SGCZ: variants seen among roughly 807,000 people sequenced by gnomAD.
The protein encoded by SGCZ is sarcoglycan zeta.
Under a neutral mutation model 41.3 loss-of-function variants are expected in SGCZ, and 40 were observed. The ratio of observed to expected loss-of-function variants is 0.97; its 90% confidence interval spans 0.75 to 1.26. The LOEUF (loss-of-function observed/expected upper bound fraction) is 1.26. Ranked by LOEUF, SGCZ falls within the 50% of genes most tolerant of loss-of-function variation. The pLI, the probability that SGCZ is intolerant of heterozygous loss-of-function variation, is 0.00. For synonymous variants in SGCZ, 206 were observed against 137.5 expected (o/e 1.50, Z -3.49); for missense variants, 552 against 369.8 (o/e 1.49, Z -4.04).
At chr8:14,233,341 A>C (rs991258931) in intron 4 of SGCZ, among the ~76,000 whole-genome samples, 7 of 151,860 alleles carry the variant, frequency 4.6e-5, no homozygotes, top group African/African-American at 1.4e-4. Flanking sequence ...AGGAGAAATT[A>C]TTTTACTGAA....
At chr8:14,738,175 C>CA (rs1008021182) in intron 1 of SGCZ, among the ~76,000 whole-genome samples, 7 of 152,126 alleles carry the variant, frequency 4.6e-5, no homozygotes, top group Middle Eastern at 3.4e-3. Flanking sequence ...CTTTATATTA[C>CA]AAAAAATCTC....
chr8:15,065,225 T>G (rs973646686), intron 1 of SGCZ, among the ~76,000 whole-genome samples: 1 of 152,064 alleles, frequency 6.6e-6, no homozygotes, highest in African/African-American at 2.4e-5. Flanking sequence ...AACTCCATTT[T>G]CTCACCCCTT....
chr8:14,930,912 T>G (rs1329430438), intron 1 of SGCZ, among the ~76,000 whole-genome samples: 2 of 151,882 alleles, frequency 1.3e-5, no homozygotes, highest in Non-Finnish European at 2.9e-5. Flanking sequence ...AATACCTACT[T>G]TAGATGACAG....
intron 1 of SGCZ, among the ~76,000 whole-genome samples, chr8:15,219,197 T>G (rs768746653): frequency 6.6e-6 from 1 of 152,182 alleles, no homozygotes; most frequent in Non-Finnish European, 1.5e-5. Context: ...TTTCAGAGTT[T>G]AACATTCCTT....
At chr8:14,925,160 G>C (rs1799708979) in intron 1 of SGCZ, among the ~76,000 whole-genome samples, 1 of 152,094 alleles carries the variant, frequency 6.6e-6, no homozygotes, top group South Asian at 2.1e-4. Context: ...GCCCAGCCAA[G>C]ACATTTTCTT....
At chr8:14,239,859 A>G (rs538605992) in intron 3 of SGCZ, among the ~76,000 whole-genome samples, 198 of 125,236 alleles carry the variant, frequency 1.6e-3, no homozygotes, top group African/African-American at 5.9e-3. Flanking sequence ...CCGAGATCCC[A>G]CCACTGCACT....
intron 1 of SGCZ, among the ~76,000 whole-genome samples, chr8:14,930,834 G>A (rs1799904046): frequency 2.0e-5 from 3 of 151,864 alleles, no homozygotes; most frequent in Admixed American, 1.3e-4. Context: ...TGTCAGAGGG[G>A]TGAGGGGCTA....
intron 1 of SGCZ, among the ~76,000 whole-genome samples, chr8:14,584,353 T>C (rs1380134438): frequency 6.6e-6 from 1 of 152,170 alleles, no homozygotes; most frequent in African/African-American, 2.4e-5. Context: ...AGAGTATGTC[T>C]TGATTTTTAT....
chr8:14,702,846 TAGATAGATAGATAGATA>T (rs1440391704), intron 1 of SGCZ, among the ~76,000 whole-genome samples: 4 of 133,788 alleles, frequency 3.0e-5, no homozygotes, highest in African/African-American at 1.1e-4. Flanking sequence ...GATAGATAGA[TAGATAGATAGATAGATA>T]GATAGATAGA....
chr8:14,433,188 T>A (rs1237125866), intron 2 of SGCZ, among the ~76,000 whole-genome samples: 1 of 152,170 alleles, frequency 6.6e-6, no homozygotes, highest in Admixed American at 6.5e-5. Flanking sequence ...TATTGGGAAA[T>A]GCTACCTGGG....
At chr8:14,833,332 A>C (rs958150960) in intron 1 of SGCZ, among the ~76,000 whole-genome samples, 1 of 152,150 alleles carries the variant, frequency 6.6e-6, no homozygotes, top group Non-Finnish European at 1.5e-5. Flanking sequence ...AAGAAAAAAA[A>C]CCATCTAAGC....
chr8:14,493,112 A>C (rs564169349), intron 2 of SGCZ, among the ~76,000 whole-genome samples: 2 of 152,040 alleles, frequency 1.3e-5, no homozygotes, highest in African/African-American at 4.8e-5. Context: ...TACAATTTGC[A>C]TTGTAAATTG....
At chr8:14,392,506 G>T (rs1170289510) in intron 2 of SGCZ, among the ~76,000 whole-genome samples, 1 of 152,128 alleles carries the variant, frequency 6.6e-6, no homozygotes, top group Admixed American at 6.6e-5. Flanking sequence ...AAATTGGAAT[G>T]CCCAGAGATA....
At chr8:15,121,900 CAAA>C (rs55783598) in intron 1 of SGCZ, among the ~76,000 whole-genome samples, 2 of 126,308 alleles carry the variant, frequency 1.6e-5, no homozygotes, top group African/African-American at 3.1e-5. Context: ...CGGCAGTTAC[CAAA>C]AAAAAAAAAA....
At chr8:14,796,695 A>G (rs1377534166) in intron 1 of SGCZ, among the ~76,000 whole-genome samples, 1 of 152,202 alleles carries the variant, frequency 6.6e-6, no homozygotes, top group Non-Finnish European at 1.5e-5. Context: ...TCAACTGGGC[A>G]GAGGTAACAG....
intron 1 of SGCZ, among the ~76,000 whole-genome samples, chr8:14,643,156 G>T (rs1807083226): frequency 6.6e-6 from 1 of 151,544 alleles, no homozygotes; most frequent in Admixed American, 6.6e-5. Context: ...ATAGATGAAG[G>T]GGAAAAAGAG....
intron 1 of SGCZ, among the ~76,000 whole-genome samples, chr8:14,699,240 A>G (rs1452803851): frequency 1.3e-5 from 2 of 149,746 alleles, no homozygotes; most frequent in East Asian, 1.9e-4. Flanking sequence ...TCATATATAT[A>G]TGCATATATA....
chr8:14,320,325 C>T (rs1054845662), intron 3 of SGCZ, among the ~76,000 whole-genome samples: 1 of 151,552 alleles, frequency 6.6e-6, no homozygotes, highest in Non-Finnish European at 1.5e-5. Flanking sequence ...CTAAATAGAC[C>T]AGATTTGCCG....
At chr8:14,958,211 T>A (rs992517627) in intron 1 of SGCZ, among the ~76,000 whole-genome samples, 1 of 152,018 alleles carries the variant, frequency 6.6e-6, no homozygotes, top group Non-Finnish European at 1.5e-5. Flanking sequence ...TATATTCTGA[T>A]GAGTAAAAAA....
Sources: allele counts gnomAD v4.1 joint callset (sites outside exome capture counted in the v4.1 genomes callset), GRCh38; gene constraint gnomAD v4.1.1; transcripts MANE v1.5; gene names NCBI Gene and HGNC (gene_info 2026-07-23, HGNC 2026-07-21).